Variants in RFTN1 observed in about 807,000 individuals in gnomAD.
RFTN1 encodes raftlin.
A neutral mutation model predicts 46.5 loss-of-function variants in RFTN1; 26 were observed. That is an observed-to-expected ratio of 0.56 (90% CI 0.41 to 0.78). The LOEUF is 0.78. RFTN1 is among the 30% of genes least tolerant of loss of function. RFTN1 has a pLI of 0.00. For synonymous variants in RFTN1, 261 were observed against 284.2 expected (o/e 0.92, Z 0.82); for missense variants, 693 against 718.7 (o/e 0.96, Z 0.41).
In RFTN1 at chr3:16,442,874, C is replaced by A. The variant is rs987859927; in HGVS notation, c.146-8837G>T. ...TGGCTTATTTCACTTAGCAGAATGTCCTCTAGATTCAGCCATGCTGTTGTA... is the reference window on the plus strand; with the variant it reads ...TGGCTTATTTCACTTAGCAGAATGTACTCTAGATTCAGCCATGCTGTTGTA... On this transcript the variant is annotated intron_variant, in intron 2 of 9. Transcript: ENST00000334133. The surrounding 1 kb of genome is among the most constrained non-coding windows in gnomAD (Gnocchi z 4.1). Among the ~76,000 whole-genome samples the A allele has an allele frequency of 2.0e-5, 3 of 152,190 alleles. No individual in the cohort carries two copies. The highest frequency in any genetic ancestry group is 7.2e-5 in the African/African-American group (3 of 41,442).
In RFTN1 at chr3:16,377,931, G is replaced by T. The variant is rs1470783387; in HGVS notation, c.613C>A (p.Pro205Thr). 1 of 1,614,076 alleles carries T rather than the reference G, an allele frequency of 6.2e-7. No individual in the cohort carries two copies. Among genetic ancestry groups the T allele is most frequent in the Non-Finnish European group, 8.5e-7 (1 of 1,180,048 alleles). ...GCACTGCACACATCCCCAGTCCCCG[G>T]TTTCTCATTCTCCAGTGACGCGTGA... The part of the protein sequence containing the change: ...GDHASLENEK[P>T]GTGDVCSAPA... Residue 205 changes from proline (P) to threonine (T), a missense_variant, in exon 5 of 10, where the codon CCG (proline) becomes ACG (threonine). Pro to Thr is a conservative substitution (Grantham distance 38). Transcript: ENST00000334133.
Position 16,402,573 on chromosome 3 carries a change from C to T in RFTN1, c.441+6802G>A, listed in dbSNP as rs1029080460. Among the ~76,000 whole-genome samples the T allele has an allele frequency of 2.0e-5, 3 of 152,184 alleles. No individual in the cohort carries two copies. The highest frequency in any genetic ancestry group is 7.2e-5 in the African/African-American group (3 of 41,440). ...ATCTTACCCTAATTAAAATTAGACT[C>T]TCTGCACCGCACTTGTAGAAATGAA... On this transcript the variant is annotated intron_variant, in intron 4 of 9. Transcript: ENST00000334133. This position sits in a 1 kb window ranked among gnomAD's most constrained non-coding sequence, Gnocchi z 4.5.
In RFTN1 at chr3:16,323,363, C is replaced by A. The variant is rs765839281; in HGVS notation, c.1332+13G>T. 10 of 1,591,162 alleles carry A rather than the reference C, an allele frequency of 6.3e-6. No individual in the cohort carries two copies. Among genetic ancestry groups the A allele is most frequent in the Non-Finnish European group, 2.6e-6 (3 of 1,159,782 alleles). ...GCTGAGGAAAACCTAGGAAGGCCATCAAAGTCTCTTACCTTCGATTCCTTC... is the reference window on the plus strand; with the variant it reads ...GCTGAGGAAAACCTAGGAAGGCCATAAAAGTCTCTTACCTTCGATTCCTTC... On this transcript the variant is annotated intron_variant, in intron 9 of 9. Coordinates refer to ENST00000334133, the MANE Select transcript of RFTN1 (RefSeq NM_015150.2).
intron 1 of RFTN1, among the ~76,000 whole-genome samples, chr3:16,505,578 T>A (rs1237597593): frequency 6.6e-6 from 1 of 152,218 alleles, no homozygotes; most frequent in Non-Finnish European, 1.5e-5. Flanking sequence ...ATAGTTGATG[T>A]TGCAATCTTG....
In RFTN1 at chr3:16,346,634, G is replaced by A. The variant is rs935905858; in HGVS notation, c.1146+11298C>T. On this transcript the variant is annotated intron_variant, in intron 7 of 9. Coordinates refer to ENST00000334133, the MANE Select transcript of RFTN1 (RefSeq NM_015150.2). This position sits in a 1 kb window ranked among gnomAD's most constrained non-coding sequence, Gnocchi z 4.4. Reference sequence around the variant, plus strand: ...GGACAACCATGACTCTTGACAAGTGGCATGGGTCTGTGACTCAGTCCTGGC... The same window carrying A: ...GGACAACCATGACTCTTGACAAGTGACATGGGTCTGTGACTCAGTCCTGGC... Among the ~76,000 whole-genome samples the A allele has an allele frequency of 6.6e-6, 1 of 152,148 alleles. No individual in the cohort carries two copies. Among genetic ancestry groups the A allele is most frequent in the African/African-American group, 2.4e-5 (1 of 41,434 alleles).
rs1185983700 is a variant in RFTN1, at chr3:16,341,061, G to A, written c.1147-14185C>T. Among the ~76,000 whole-genome samples the A allele has an allele frequency of 6.6e-6, 1 of 152,182 alleles. No homozygotes were observed. The highest frequency in any genetic ancestry group is 6.5e-5 in the Admixed American group (1 of 15,280). The stretch of plus-strand genomic sequence containing the variant: ...GCAAATAATAAGCATATAAAAAGAT[G>A]CTCAACATCATATGTCATTAGGGAA... On this transcript the variant is annotated intron_variant, in intron 7 of 9. Transcript: ENST00000334133. The surrounding 1 kb of genome is among the most constrained non-coding windows in gnomAD (Gnocchi z 4.7).
intron 6 of RFTN1, among the ~76,000 whole-genome samples, chr3:16,366,506 T>A (rs2073182817): frequency 6.6e-6 from 1 of 152,104 alleles, no homozygotes; most frequent in South Asian, 2.1e-4. Flanking sequence ...GGAGTCCTCC[T>A]CGTCCCACCG....
rs1457154655 is a variant in RFTN1 at position 16,498,811 on chromosome 3, C to A, written c.-8-4934G>T. ...GTCAAAATAGGAAAGACTTTTACAT[C>A]ATTTCAAAAATGTCTATACCATGCT... On this transcript the variant is annotated intron_variant, in intron 1 of 9. Coordinates refer to ENST00000334133, the MANE Select transcript of RFTN1 (RefSeq NM_015150.2). The surrounding 1 kb of genome is among the most constrained non-coding windows in gnomAD (Gnocchi z 5.2). 2.6e-5 allele frequency among the ~76,000 whole-genome samples: 4 copies of A among 152,184 alleles called. No homozygotes were observed. Among genetic ancestry groups the A allele is most frequent in the East Asian group, 1.9e-4 (1 of 5,200 alleles).
At position 16,356,437 on chromosome 3, in the gene RFTN1, C is replaced by T. The variant is rs117459672; in HGVS notation, c.1146+1495G>A. Among the ~76,000 whole-genome samples, 5,186 of 152,322 alleles carry T rather than the reference C, an allele frequency of 0.034. 110 individuals are homozygous for T. The highest frequency in any genetic ancestry group is 0.082 in the Middle Eastern group (24 of 294). On this transcript the variant is annotated intron_variant, in intron 7 of 9. Coordinates refer to ENST00000334133, the MANE Select transcript of RFTN1 (RefSeq NM_015150.2). This position sits in a 1 kb window ranked among gnomAD's most constrained non-coding sequence, Gnocchi z 4.9. The stretch of plus-strand genomic sequence containing the variant: ...GACGACTCCAGTTCCTTTGGGTACT[C>T]CATTGCTATCACACTTGCAAGCAGT...
At chr3:16,405,745 T>G (rs1406860915) in intron 4 of RFTN1, among the ~76,000 whole-genome samples, 2 of 152,216 alleles carry the variant, frequency 1.3e-5, no homozygotes, top group Non-Finnish European at 2.9e-5. Context: ...TGAAAAAATC[T>G]AATCCTTTTG....
intron 1 of RFTN1, among the ~76,000 whole-genome samples, chr3:16,495,828 C>T (rs1446147365): frequency 6.6e-6 from 1 of 152,242 alleles, no homozygotes; most frequent in African/African-American, 2.4e-5. Flanking sequence ...TTACTGAGCA[C>T]AGCAAGGTCT....
chr3:16,386,364 G>A (rs777194204), intron 4 of RFTN1, among the ~76,000 whole-genome samples: 2 of 152,282 alleles, frequency 1.3e-5, no homozygotes, highest in South Asian at 2.1e-4. Flanking sequence ...AAGGCTGTAC[G>A]TGGATTAACT....
rs183937227 is a variant in RFTN1, at chr3:16,483,354, C to T, written c.145+10371G>A. 1.3e-5 allele frequency among the ~76,000 whole-genome samples: 2 copies of T among 152,126 alleles called. No individual in the cohort carries two copies. The highest frequency in any genetic ancestry group is 2.1e-4 in the South Asian group (1 of 4,820). On this transcript the variant is annotated intron_variant, in intron 2 of 9. Coordinates refer to ENST00000334133, the MANE Select transcript of RFTN1 (RefSeq NM_015150.2). The surrounding 1 kb of genome is among the most constrained non-coding windows in gnomAD (Gnocchi z 4.8). ...TGTTGGGCTCCCCTGTAAAGCACCCCCCTCCCTCCCAGAACCTGCAGGCAC... is the reference window on the plus strand; with the variant it reads ...TGTTGGGCTCCCCTGTAAAGCACCCTCCTCCCTCCCAGAACCTGCAGGCAC...
chr3:16,439,277 G>A (rs771326333), intron 2 of RFTN1, among the ~76,000 whole-genome samples: 2 of 152,178 alleles, frequency 1.3e-5, no homozygotes, highest in Non-Finnish European at 2.9e-5. Context: ...ACTCCTAGGC[G>A]AATAAACAAA....
intron 6 of RFTN1, among the ~76,000 whole-genome samples, chr3:16,363,083 C>G (rs886293693): frequency 6.6e-6 from 1 of 152,208 alleles, no homozygotes; most frequent in Non-Finnish European, 1.5e-5. Flanking sequence ...AGCACTGATT[C>G]ACCTACTTAA....
Position 16,473,975 on chromosome 3 carries a change from G to A in RFTN1, c.145+19750C>T, listed in dbSNP as rs1010161978. Reference sequence around the variant, plus strand: ...ATCGTGCAGTTGCCCACCCAATATGGTGAACAACAGCCCTTGGAGAGGGAT... The same window carrying A: ...ATCGTGCAGTTGCCCACCCAATATGATGAACAACAGCCCTTGGAGAGGGAT... On this transcript the variant is annotated intron_variant, in intron 2 of 9. Coordinates refer to ENST00000334133, the MANE Select transcript of RFTN1 (RefSeq NM_015150.2). This position sits in a 1 kb window ranked among gnomAD's most constrained non-coding sequence, Gnocchi z 5.3. 1.3e-5 allele frequency among the ~76,000 whole-genome samples: 2 copies of A among 152,134 alleles called. No individual in the cohort carries two copies. The highest frequency in any genetic ancestry group is 4.8e-5 in the African/African-American group (2 of 41,420).
At position 16,506,300 on chromosome 3, in the gene RFTN1, C is replaced by A. The variant is rs1176486058; in HGVS notation, c.-9+7142G>T. 6.6e-6 allele frequency among the ~76,000 whole-genome samples: 1 copy of A among 152,076 alleles called. No individual in the cohort carries two copies. Among genetic ancestry groups the A allele is most frequent in the East Asian group, 1.9e-4 (1 of 5,170 alleles). On this transcript the variant is annotated intron_variant, in intron 1 of 9. Transcript: ENST00000334133. This position sits in a 1 kb window ranked among gnomAD's most constrained non-coding sequence, Gnocchi z 4.8. Reference sequence around the variant, plus strand: ...TGGGGCCCCTGGGAGGCTGAGCAGACCTCAGGGTGAAGTCAAACAGGGCTG... The same window carrying A: ...TGGGGCCCCTGGGAGGCTGAGCAGAACTCAGGGTGAAGTCAAACAGGGCTG...
rs2074958185 is a variant in RFTN1, at chr3:16,410,261, AC to A, written c.333-779del. ...CACACACACACACACACACACACAA[AC>A]TCTCACTCCAGTAATGTCTATGTCC... On this transcript the variant is annotated intron_variant, in intron 3 of 9. Transcript: ENST00000334133. The surrounding 1 kb of genome is among the most constrained non-coding windows in gnomAD (Gnocchi z 4.6). Among the ~76,000 whole-genome samples, 1 of 129,032 alleles carries A rather than the reference AC, an allele frequency of 7.8e-6. No individual in the cohort carries two copies. Among genetic ancestry groups the A allele is most frequent in the South Asian group, 2.7e-4 (1 of 3,714 alleles). The allele number at this position is 129,032 out of a possible 152,430, so 84.7% of individuals were successfully genotyped here. A position where few individuals can be genotyped will look rare whatever the true frequency, so the allele number is the denominator to read the frequency against.
intron 4 of RFTN1, 68 bp downstream of exon 4, chr3:16,409,307 C>A: frequency 1.9e-6 from 2 of 1,069,076 alleles, no homozygotes; most frequent in Non-Finnish European, 2.9e-6. Flanking sequence ...CCTAAGGCAG[C>A]TACCTGCCTG....
Sources: allele counts gnomAD v4.1 joint callset (sites outside exome capture counted in the v4.1 genomes callset), GRCh38; gene constraint gnomAD v4.1.1; non-coding constraint Gnocchi (gnomAD v3.1); transcripts MANE v1.5; gene names NCBI Gene and HGNC (gene_info 2026-07-23, HGNC 2026-07-21).